MECOM: variants seen among roughly 807,000 people sequenced by gnomAD.
MECOM encodes histone-lysine N-methyltransferase MECOM.
Under a neutral mutation model 116.3 loss-of-function variants are expected in MECOM, and 13 were observed. The observed-to-expected ratio is 0.11, with a 90% CI of 0.07 to 0.18. The LOEUF is 0.18. MECOM is among the 10% of genes least tolerant of loss of function. MECOM has a pLI of 1.00. For missense variants in MECOM, 1,299 were observed against 1,509.0 expected (o/e 0.86, Z 2.31); for synonymous variants, 528 against 535.2 (o/e 0.99, Z 0.19).
At chr3:169,139,523 A>C (rs1164607767) in intron 3 of MECOM, among the ~76,000 whole-genome samples, 2 of 152,158 alleles carry the variant, frequency 1.3e-5, no homozygotes, top group South Asian at 4.1e-4. Context: ...TAAAAAGTCA[A>C]CTTACATAAA....
At chr3:169,280,989 G>A (rs560677424) in intron 2 of MECOM, among the ~76,000 whole-genome samples, 60 of 152,320 alleles carry the variant, frequency 3.9e-4, no homozygotes, top group African/African-American at 1.4e-3. Context: ...GCAGGAACCA[G>A]TCATAACCAA....
intron 1 of MECOM, among the ~76,000 whole-genome samples, chr3:169,396,688 T>C (rs1735068657): frequency 6.6e-6 from 1 of 152,138 alleles, no homozygotes; most frequent in Non-Finnish European, 1.5e-5. Context: ...AGAATTAGAA[T>C]AGCAAGGCAT....
At chr3:169,434,113 CCTT>C (rs1359763746) in intron 1 of MECOM, among the ~76,000 whole-genome samples, 1 of 152,056 alleles carries the variant, frequency 6.6e-6, no homozygotes, top group Non-Finnish European at 1.5e-5. Context: ...TACCACATGT[CCTT>C]CAATAATTTT....
At chr3:169,283,963 G>A (rs1290377867) in intron 2 of MECOM, among the ~76,000 whole-genome samples, 1 of 152,208 alleles carries the variant, frequency 6.6e-6, no homozygotes, top group Non-Finnish European at 1.5e-5. Flanking sequence ...AAGTTTTGGT[G>A]TAATAAACTT....
intron 2 of MECOM, among the ~76,000 whole-genome samples, chr3:169,221,850 G>T: frequency 6.6e-6 from 1 of 151,956 alleles, no homozygotes. Context: ...GCATTATGAT[G>T]ATACAAAGGT....
intron 2 of MECOM, among the ~76,000 whole-genome samples, chr3:169,375,631 A>G (rs1181466770): frequency 6.6e-6 from 1 of 152,218 alleles, no homozygotes; most frequent in Non-Finnish European, 1.5e-5. Flanking sequence ...TAAACCAGGA[A>G]GAAGTCAAAT....
chr3:169,597,652 C>T (rs1767300072), intron 1 of MECOM, among the ~76,000 whole-genome samples: 1 of 152,182 alleles, frequency 6.6e-6, no homozygotes, highest in Non-Finnish European at 1.5e-5. Context: ...TAGTCTTAGA[C>T]TAGGTCCTCA....
intron 1 of MECOM, among the ~76,000 whole-genome samples, chr3:169,382,654 C>G (rs1189013669): frequency 1.3e-5 from 2 of 151,726 alleles, no homozygotes; most frequent in Non-Finnish European, 1.5e-5. Flanking sequence ...ATGAAAATTA[C>G]GAAGAAACAG....
At chr3:169,302,806 A>G (rs1335406713) in intron 2 of MECOM, among the ~76,000 whole-genome samples, 1 of 151,956 alleles carries the variant, frequency 6.6e-6, no homozygotes, top group African/African-American at 2.4e-5. Flanking sequence ...AGAGATTGCA[A>G]TGAGCCGAGA....
intron 2 of MECOM, among the ~76,000 whole-genome samples, chr3:169,155,876 A>C (rs1426929818): frequency 6.6e-6 from 1 of 152,184 alleles, no homozygotes; most frequent in African/African-American, 2.4e-5. Flanking sequence ...ACAATAGATC[A>C]AGTAGGCAAA....
chr3:169,531,486 A>G (rs1758618587), intron 1 of MECOM, among the ~76,000 whole-genome samples: 2 of 152,194 alleles, frequency 1.3e-5, no homozygotes, highest in African/African-American at 4.8e-5. Context: ...TAACCTCATC[A>G]GAGAGGCAAG....
intron 1 of MECOM, among the ~76,000 whole-genome samples, chr3:169,401,842 G>A (rs1422940927): frequency 1.3e-5 from 2 of 152,222 alleles, no homozygotes; most frequent in Non-Finnish European, 2.9e-5. Flanking sequence ...TAGAGTAGGT[G>A]CACATGCAGA....
intron 2 of MECOM, among the ~76,000 whole-genome samples, chr3:169,339,568 G>A (rs990681029): frequency 2.7e-4 from 41 of 152,164 alleles, no homozygotes; most frequent in Non-Finnish European, 1.0e-4. Context: ...AGTCACCTGG[G>A]TGCTTATCAG....
chr3:169,496,801 G>A (rs569715065), intron 1 of MECOM, among the ~76,000 whole-genome samples: 1 of 152,136 alleles, frequency 6.6e-6, no homozygotes, highest in Non-Finnish European at 1.5e-5. Flanking sequence ...AAATCAAAAA[G>A]AAAATAATGG....
At chr3:169,595,614 C>A (rs2109685881) in intron 1 of MECOM, among the ~76,000 whole-genome samples, 1 of 152,272 alleles carries the variant, frequency 6.6e-6, no homozygotes. Flanking sequence ...CTCACAAACA[C>A]AACTAAAGTA....
intron 1 of MECOM, among the ~76,000 whole-genome samples, chr3:169,544,945 G>A (rs913944958): frequency 1.3e-5 from 2 of 152,086 alleles, no homozygotes; most frequent in South Asian, 2.1e-4. Flanking sequence ...CTAGATGACA[G>A]GTTGATAGGT....
intron 1 of MECOM, among the ~76,000 whole-genome samples, chr3:169,470,859 A>C (rs1023027441): frequency 5.3e-5 from 8 of 152,206 alleles, no homozygotes; most frequent in African/African-American, 1.9e-4. Context: ...ATAGATTCAA[A>C]TAGCTAGAGG....
intron 1 of MECOM, among the ~76,000 whole-genome samples, chr3:169,488,993 A>G (rs1752744166): frequency 6.6e-6 from 1 of 152,048 alleles, no homozygotes; most frequent in Admixed American, 6.5e-5. Flanking sequence ...AAATTTTGGC[A>G]TCTGAATTAA....
At chr3:169,418,189 A>G (rs1271973015) in intron 1 of MECOM, among the ~76,000 whole-genome samples, 1 of 152,082 alleles carries the variant, frequency 6.6e-6, no homozygotes. Context: ...CCCTCTAAAG[A>G]CTAAACCAGG....
Sources: allele counts gnomAD v4.1 joint callset (sites outside exome capture counted in the v4.1 genomes callset), GRCh38; gene constraint gnomAD v4.1.1; transcripts MANE v1.5; gene names NCBI Gene and HGNC (gene_info 2026-07-23, HGNC 2026-07-21).